Variants in ZDHHC3 observed in about 807,000 individuals in gnomAD.
ZDHHC3 encodes zDHHC palmitoyltransferase 3, also known as palmitoyltransferase ZDHHC3.
Under a neutral mutation model 30.6 loss-of-function variants are expected in ZDHHC3, and 9 were observed. The ratio of observed to expected loss-of-function variants is 0.29; its 90% CI spans 0.18 to 0.51. The LOEUF is 0.51. Among genes scored for constraint, ZDHHC3 ranks in the 20% least tolerant of loss-of-function variants. The pLI is 0.97. For missense variants in ZDHHC3, 246 were observed against 384.2 expected (o/e 0.64, Z 3.01); for synonymous variants, 136 against 140.2 (o/e 0.97, Z 0.21).
Position 44,921,517 on chromosome 3 carries a change from C to T in ZDHHC3, c.*5172G>A, listed in dbSNP as rs1393413699. The T allele has an allele frequency of 1.0e-6, 1 of 985,294 alleles. No individual in the cohort carries two copies. The highest frequency in any genetic ancestry group is 1.7e-5 in the African/African-American group (1 of 57,224). The allele number at this position is 985,294 out of a possible 1,614,324, so 61.0% of individuals were successfully genotyped here. A position where few individuals can be genotyped will look rare whatever the true frequency, so the allele number is the denominator to read the frequency against. The stretch of plus-strand genomic sequence containing the variant: ...AATACTTATCCTGCAATATGTAATG[C>T]ATTAAACATTTTTCTTGAAAAACAT... On this transcript the variant is annotated 3_prime_UTR_variant, in exon 7 of 7. Coordinates refer to ENST00000424952, the MANE Select transcript of ZDHHC3 (RefSeq NM_001135179.2).
In ZDHHC3 at chr3:44,925,601, T is replaced by A; in HGVS notation, c.*1088A>T. The A allele has an allele frequency of 1.0e-6, 1 of 985,388 alleles. No homozygotes were observed. The highest frequency in any genetic ancestry group is 1.2e-6 in the Non-Finnish European group (1 of 829,944). 61.0% of individuals were successfully genotyped at this position (985,388 alleles called of 1,614,324 possible). On this transcript the variant is annotated 3_prime_UTR_variant, in exon 7 of 7. Coordinates refer to ENST00000424952, the MANE Select transcript of ZDHHC3 (RefSeq NM_001135179.2). ...CCAATGGGATGGCCATATGTCAACT[T>A]TGAAAGGGTGGGGACTGTGAGGTAA...
intron 1 of ZDHHC3, among the ~76,000 whole-genome samples, chr3:44,974,316 T>C (rs1705688644): frequency 6.6e-6 from 1 of 152,234 alleles, no homozygotes; most frequent in Non-Finnish European, 1.5e-5. Flanking sequence ...AAAATCTTTA[T>C]ATAAAGATAA....
In ZDHHC3 at chr3:44,923,497, TGG is replaced by T; in HGVS notation, c.*3190_*3191del. ...AGCCAGATGAGCAAAAGCTAATACTTGGGGCTTTTTCAAGAAGTACAGGGCTG... is the reference window on the plus strand; with the variant it reads ...AGCCAGATGAGCAAAAGCTAATACTTGGCTTTTTCAAGAAGTACAGGGCTG... On this transcript the variant is annotated 3_prime_UTR_variant, in exon 7 of 7. Transcript: ENST00000424952. 1.0e-6 allele frequency: 1 copy of T among 985,362 alleles called. No homozygotes were observed. The highest frequency in any genetic ancestry group is 1.2e-6 in the Non-Finnish European group (1 of 829,924). 61.0% of individuals were successfully genotyped at this position (985,362 alleles called of 1,614,324 possible).
intron 2 of ZDHHC3, among the ~76,000 whole-genome samples, chr3:44,951,152 T>A (rs1020022609): frequency 6.6e-6 from 1 of 152,190 alleles, no homozygotes; most frequent in African/African-American, 2.4e-5. Context: ...AAAAACACTT[T>A]AAAAAATCTA....
chr3:44,929,362 T>C lies in ZDHHC3; in HGVS notation c.685A>G (p.Ile229Val). 4 of 1,614,076 alleles carry C rather than the reference T, an allele frequency of 2.5e-6. No individual in the cohort carries two copies. The highest frequency in any genetic ancestry group is 3.4e-6 in the Non-Finnish European group (4 of 1,179,994). The change falls in exon 6 of 7, where the codon ATT (isoleucine) becomes GTT (valine). Residue 229 changes from isoleucine (I) to valine (V), a missense_variant. Ile to Val is a conservative substitution (Grantham distance 29, BLOSUM62 3). Transcript: ENST00000424952. ...LLCFEGLLFL[I>V]FTSVMFGTQV... ...GTCCCAAACATCACTGATGTGAAAA[T>C]GAGGAAGAGCAGGCCCTCAAAGCAC...
intron 3 of ZDHHC3, among the ~76,000 whole-genome samples, chr3:44,940,025 A>G (rs1385784555): frequency 6.6e-6 from 1 of 152,162 alleles, no homozygotes; most frequent in African/African-American, 2.4e-5. Flanking sequence ...AGAGGCCAGA[A>G]GGGTGCTGGG....
At chr3:44,952,986 G>A (rs1330454705) in intron 2 of ZDHHC3, among the ~76,000 whole-genome samples, 2 of 152,210 alleles carry the variant, frequency 1.3e-5, no homozygotes, top group East Asian at 3.8e-4. Flanking sequence ...GGCCTGGCAC[G>A]AAGAATGTAT....
intron 1 of ZDHHC3, chr3:44,975,590 C>T (rs748527174): frequency 2.6e-5 from 4 of 152,318 alleles, no homozygotes; most frequent in Non-Finnish European, 5.9e-5. Context: ...CGCCTTAGGA[C>T]TAGTGTCCCC....
intron 2 of ZDHHC3, among the ~76,000 whole-genome samples, chr3:44,955,183 C>A (rs1322579030): frequency 2.0e-5 from 3 of 152,166 alleles, no homozygotes; most frequent in Non-Finnish European, 4.4e-5. Flanking sequence ...GTCCATTTGT[C>A]CTCCTCCCTC....
At chr3:44,926,973 T>C in intron 6 of ZDHHC3, 126 bp from the exon 7 acceptor site, 1 of 1,252,408 alleles carries the variant, frequency 8.0e-7, no homozygotes, top group Non-Finnish European at 1.0e-6. Flanking sequence ...GCTATCTACC[T>C]AATATATCTT....
At chr3:44,945,065 C>T in intron 3 of ZDHHC3, 103 bp downstream of exon 3, 3 of 1,539,722 alleles carry the variant, frequency 1.9e-6, no homozygotes, top group South Asian at 1.2e-5. Flanking sequence ...CTGACTTGGC[C>T]CCTGTTGGGG....
intron 1 of ZDHHC3, among the ~76,000 whole-genome samples, chr3:44,974,056 C>T (rs1485807693): frequency 1.3e-5 from 2 of 152,172 alleles, no homozygotes; most frequent in African/African-American, 2.4e-5. Flanking sequence ...TGCACTATTA[C>T]AGCAAAGGTG....
Position 44,917,812 on chromosome 3 carries a change from T to C in ZDHHC3, c.*8877A>G. 8.0e-7 allele frequency: 1 copy of C among 1,252,194 alleles called. No individual in the cohort carries two copies. The allele number at this position is 1,252,194 out of a possible 1,614,324, so 77.6% of individuals were successfully genotyped here. A position where few individuals can be genotyped will look rare whatever the true frequency, so the allele number is the denominator to read the frequency against. On this transcript the variant is annotated 3_prime_UTR_variant, in exon 7 of 7. Coordinates refer to ENST00000424952, the MANE Select transcript of ZDHHC3 (RefSeq NM_001135179.2). Reference sequence around the variant, plus strand: ...CACTGGGGGTGCTGGGAGCGCACCATGCCCATAAGCCCCTTTAGCCAAAAC... The same window carrying C: ...CACTGGGGGTGCTGGGAGCGCACCACGCCCATAAGCCCCTTTAGCCAAAAC...
intron 1 of ZDHHC3, among the ~76,000 whole-genome samples, chr3:44,964,413 GGCA>G (rs1704752678): frequency 6.6e-6 from 1 of 152,186 alleles, no homozygotes; most frequent in Non-Finnish European, 1.5e-5. Context: ...GAAGAGGAGG[GGCA>G]GGATGACCAG....
rs1700829343 is a variant in ZDHHC3, at chr3:44,924,437, C to G, written c.*2252G>C. On this transcript the variant is annotated 3_prime_UTR_variant, in exon 7 of 7. Transcript: ENST00000424952. ...GTTTGAGAGCTCAGAAACATTGACTCTTTCTAGCCAAGGCCTATACAAAAC... is the reference window on the plus strand; with the variant it reads ...GTTTGAGAGCTCAGAAACATTGACTGTTTCTAGCCAAGGCCTATACAAAAC... 6 of 985,312 alleles carry G rather than the reference C, an allele frequency of 6.1e-6. No homozygotes were observed. The highest frequency in any genetic ancestry group is 3.5e-5 in the African/African-American group (2 of 57,232). The allele number at this position is 985,312 out of a possible 1,614,324, so 61.0% of individuals were successfully genotyped here. A position where few individuals can be genotyped will look rare whatever the true frequency, so the allele number is the denominator to read the frequency against.
At chr3:44,928,835 G>T (rs1701229662) in intron 6 of ZDHHC3, among the ~76,000 whole-genome samples, 1 of 152,112 alleles carries the variant, frequency 6.6e-6, no homozygotes, top group Non-Finnish European at 1.5e-5. Context: ...GCTGCCCTGG[G>T]GGCTCAAGGC....
At chr3:44,933,803 A>G (rs1701705880) in intron 4 of ZDHHC3, 85 bp downstream of exon 4, 1 of 1,245,040 alleles carries the variant, frequency 8.0e-7, no homozygotes, top group African/African-American at 1.5e-5. Flanking sequence ...TGAGCAAAGA[A>G]CATCGTGAAT....
chr3:44,941,826 G>A (rs943341495), intron 3 of ZDHHC3, among the ~76,000 whole-genome samples: 3 of 152,128 alleles, frequency 2.0e-5, no homozygotes, highest in Non-Finnish European at 4.4e-5. Context: ...TTTGTGTTGG[G>A]CCACATTCAA....
At chr3:44,933,546 C>T in intron 4 of ZDHHC3, 1 of 537,060 alleles carries the variant, frequency 1.9e-6, no homozygotes, top group East Asian at 3.2e-5. Flanking sequence ...GAGGGCCCTT[C>T]TAGTCCTTGC....
Sources: gnomAD v4.1 joint callset for allele counts (sites outside exome capture counted in the v4.1 genomes callset) on GRCh38, gnomAD v4.1.1 for gene constraint, MANE v1.5 for transcripts, NCBI Gene and HGNC (gene_info 2026-07-23, HGNC 2026-07-21) for gene names.